Variants in BAZ2B observed in about 807,000 individuals in gnomAD.
BAZ2B encodes bromodomain adjacent to zinc finger domain 2B, also known as bromodomain adjacent to zinc finger domain protein 2B.
A neutral mutation model predicts 246.0 loss-of-function variants in BAZ2B; 91 were observed. That is an observed-to-expected ratio of 0.37 (90% CI 0.31 to 0.44). BAZ2B has a LOEUF of 0.44. BAZ2B is among the 20% of genes least tolerant of loss of function. The pLI, the probability that BAZ2B is intolerant of heterozygous loss-of-function variation, is 1.00. For missense variants in BAZ2B, 2,332 were observed against 2,533.7 expected (o/e 0.92, Z 1.71); for synonymous variants, 855 against 860.0 (o/e 0.99, Z 0.10).
chr2:159,551,286 G>A (rs1272452565), intron 2 of BAZ2B, among the ~76,000 whole-genome samples: 3 of 152,016 alleles, frequency 2.0e-5, no homozygotes, highest in African/African-American at 2.4e-5. Context: ...TGGCTAACAT[G>A]GTGAAACCCC....
At chr2:159,543,047 A>T (rs1478526539) in intron 2 of BAZ2B, among the ~76,000 whole-genome samples, 1 of 152,172 alleles carries the variant, frequency 6.6e-6, no homozygotes, top group Non-Finnish European at 1.5e-5. Context: ...AATAATAATG[A>T]TACCTCCCCC....
At chr2:159,389,312 T>C (rs752643212) in intron 21 of BAZ2B, 33 bp downstream of exon 21, 4 of 1,525,236 alleles carry the variant, frequency 2.6e-6, no homozygotes, top group Non-Finnish European at 3.5e-6. Context: ...ATTAAACTTA[T>C]GAATGAAATG....
chr2:159,350,878 T>C (rs987866633), intron 27 of BAZ2B, among the ~76,000 whole-genome samples: 1 of 147,190 alleles, frequency 6.8e-6, no homozygotes, highest in East Asian at 2.0e-4. Context: ...CAGCCGGCAT[T>C]AACATATATT....
At chr2:159,331,753 G>A (rs1430986627) in intron 34 of BAZ2B, among the ~76,000 whole-genome samples, 5 of 152,196 alleles carry the variant, frequency 3.3e-5, no homozygotes, top group Non-Finnish European at 5.9e-5. Context: ...AGAGAAATCA[G>A]AGAATTGTAT....
chr2:159,652,524 T>C, the BAZ2B span, among the ~76,000 whole-genome samples: 1 of 152,142 alleles, frequency 6.6e-6, no homozygotes, highest in Non-Finnish European at 1.5e-5. Flanking sequence ...TCTATCATTT[T>C]GATTACAGCC....
At chr2:159,488,490 CATA>C (rs1388341985) in intron 2 of BAZ2B, among the ~76,000 whole-genome samples, 5 of 151,930 alleles carry the variant, frequency 3.3e-5, no homozygotes, top group South Asian at 2.1e-4. Context: ...TCATGTATCA[CATA>C]ATATATGCCA....
the BAZ2B span, among the ~76,000 whole-genome samples, chr2:159,684,973 A>T: frequency 6.6e-6 from 1 of 152,342 alleles, no homozygotes; most frequent in African/African-American, 2.4e-5. Flanking sequence ...TACTCACTAA[A>T]GTGGAATTTG....
intron 2 of BAZ2B, among the ~76,000 whole-genome samples, chr2:159,533,321 A>G (rs2085570078): frequency 6.6e-6 from 1 of 152,226 alleles, no homozygotes; most frequent in African/African-American, 2.4e-5. Flanking sequence ...AGAGGATTGA[A>G]GAAAGTCACT....
chr2:159,315,857 G>T (rs2062056251), downstream of BAZ2B, among the ~76,000 whole-genome samples: 1 of 152,072 alleles, frequency 6.6e-6, no homozygotes, highest in African/African-American at 2.4e-5. Context: ...GGCAACCTAG[G>T]TTTTCATTTC....
intron 4 of BAZ2B, among the ~76,000 whole-genome samples, chr2:159,450,378 GAAA>G (rs35106931): frequency 1.6e-5 from 2 of 125,846 alleles, no homozygotes; most frequent in African/African-American, 3.2e-5. Flanking sequence ...CTCTCTCAAA[GAAA>G]AAAAAAAAAA....
At chr2:159,561,627 G>C (rs1164591406) in intron 1 of BAZ2B, among the ~76,000 whole-genome samples, 1 of 152,196 alleles carries the variant, frequency 6.6e-6, no homozygotes, top group East Asian at 1.9e-4. Flanking sequence ...AATGTAAATA[G>C]CCACATGTGG....
the BAZ2B span, among the ~76,000 whole-genome samples, chr2:159,692,691 TA>T: frequency 6.6e-6 from 1 of 152,082 alleles, no homozygotes; most frequent in East Asian, 1.9e-4. Flanking sequence ...CTCTTTAAAA[TA>T]AAAAATTAAA....
intron 10 of BAZ2B, among the ~76,000 whole-genome samples, chr2:159,430,540 T>C (rs1219210097): frequency 2.0e-5 from 3 of 152,200 alleles, no homozygotes; most frequent in East Asian, 3.8e-4. Flanking sequence ...AATCCTGCGT[T>C]GTTCAAGGGT....
At chr2:159,560,633 G>A (rs1232570331) in intron 1 of BAZ2B, among the ~76,000 whole-genome samples, 1 of 150,798 alleles carries the variant, frequency 6.6e-6, no homozygotes, top group East Asian at 2.0e-4. Context: ...GCAGTGGTGC[G>A]ATCTCTGCCT....
chr2:159,514,822 AT>A (rs2083269702), intron 2 of BAZ2B, among the ~76,000 whole-genome samples: 1 of 152,170 alleles, frequency 6.6e-6, no homozygotes, highest in Non-Finnish European at 1.5e-5. Context: ...TATTCAATAA[AT>A]GACATAAATT....
At chr2:159,698,927 C>T in the BAZ2B span, among the ~76,000 whole-genome samples, 1 of 152,146 alleles carries the variant, frequency 6.6e-6, no homozygotes, top group Non-Finnish European at 1.5e-5. Flanking sequence ...AGTACATATG[C>T]ACTGCTACCA....
rs1026717035 is a variant in BAZ2B, at chr2:159,349,115, T to C, written c.5029A>G (p.Lys1677Glu). The change falls in exon 29 of 37, where the codon AAA (lysine) becomes GAA (glutamate). Residue 1677 changes from lysine (K) to glutamate (E), a missense_variant. Physicochemically the swap from Lys to Glu is moderately conservative, Grantham distance 56. Around this residue, in one of 9 missense-constraint regions of BAZ2B, gnomAD observed 676 missense variants for 668.6 expected, o/e 1.01. Coordinates refer to ENST00000392783, the MANE Select transcript of BAZ2B (RefSeq NM_013450.4). ...SFLTSNVASS[K>E]SESPVPQNEK... ...TTCTGTGGTACTGGAGATTCACTTTTACTTGAAGCAACATTGGAAGTCAAG... is the reference window on the plus strand; with the variant it reads ...TTCTGTGGTACTGGAGATTCACTTTCACTTGAAGCAACATTGGAAGTCAAG... 1 of 1,614,120 alleles carries C rather than the reference T, an allele frequency of 6.2e-7. No homozygotes were observed. The highest frequency in any genetic ancestry group is 1.1e-5 in the South Asian group (1 of 91,080).
chr2:159,570,479 C>T (rs1275062934), intron 1 of BAZ2B, among the ~76,000 whole-genome samples: 1 of 152,174 alleles, frequency 6.6e-6, no homozygotes, highest in Admixed American at 6.5e-5. Context: ...CTGCGCCCGG[C>T]CTCCTTACAG....
chr2:159,682,382 T>C, the BAZ2B span, among the ~76,000 whole-genome samples: 1 of 152,000 alleles, frequency 6.6e-6, no homozygotes, highest in Non-Finnish European at 1.5e-5. Flanking sequence ...TCTCACTATA[T>C]TGTCCAGGCT....
Sources: allele counts gnomAD v4.1 joint callset (sites outside exome capture counted in the v4.1 genomes callset), GRCh38; gene constraint gnomAD v4.1.1; regional missense constraint gnomAD v4.1.1; transcripts MANE v1.5; gene names NCBI Gene and HGNC (gene_info 2026-07-23, HGNC 2026-07-21).